The following AS3MT variants were observed in gnomAD, a reference collection of about 807,000 sequenced individuals.
AS3MT encodes arsenite methyltransferase, also known as S-adenosyl-L-methionine:arsenic(III) methyltransferase.
AS3MT carries 47 observed loss-of-function variants against 45.3 expected under a neutral mutation model. The observed-to-expected ratio is 1.04, with a 90% CI of 0.82 to 1.32. The LOEUF (loss-of-function observed/expected upper bound fraction) is 1.32, where lower values mean the gene tolerates loss of function less well. AS3MT is among the 40% of genes most tolerant of loss of function. AS3MT has a pLI of 0.00. For missense variants in AS3MT, 396 were observed against 451.1 expected, an observed-to-expected ratio of 0.88 and a Z score of 1.11; for synonymous variants, 141 against 152.8, an observed-to-expected ratio of 0.92 and a Z score of 0.57.
chr10:102,882,735 C>T (rs1435654367), intron 9 of AS3MT, among the ~76,000 whole-genome samples: 1 of 151,988 alleles, frequency 6.6e-6, no homozygotes. Flanking sequence ...GGATTACAGG[C>T]GTGTGCCACC....
At position 102,901,470 on chromosome 10, in the gene AS3MT, A is replaced by C. The variant is rs1590234762; in HGVS notation, c.*770A>C. On this transcript the variant is annotated 3_prime_UTR_variant, in exon 11 of 11. Transcript: ENST00000369880. ...GGCCTCCCAAAGTGCTGGGATTACA[A>C]GCATGAGCCACTGCGCCCGGCCATA... 6.6e-6 allele frequency: 1 copy of C among 152,118 alleles called. No homozygotes were observed. The highest frequency in any genetic ancestry group is 6.6e-5 in the Admixed American group (1 of 15,252). The allele number at this position is 152,118 out of a possible 1,614,324, so 9.4% of individuals were successfully genotyped here.
At chr10:102,887,489 T>G (rs1400001471) in intron 9 of AS3MT, among the ~76,000 whole-genome samples, 3 of 152,212 alleles carry the variant, frequency 2.0e-5, no homozygotes, top group African/African-American at 2.4e-5. Context: ...TTGCTTTATA[T>G]ACTTTGGAGC....
At chr10:102,888,871 A>G (rs1258862466) in intron 9 of AS3MT, among the ~76,000 whole-genome samples, 2 of 69,688 alleles carry the variant, frequency 2.9e-5, no homozygotes, top group African/African-American at 1.1e-4. Context: ...ATATATATAT[A>G]TATATATATA....
At chr10:102,899,842 T>G (rs569114624) in intron 10 of AS3MT, among the ~76,000 whole-genome samples, 22 of 152,198 alleles carry the variant, frequency 1.4e-4, no homozygotes, top group Non-Finnish European at 2.2e-4. Context: ...ATTTTTTGTA[T>G]TTTTAGTAGA....
intron 10 of AS3MT, among the ~76,000 whole-genome samples, chr10:102,896,630 A>T (rs1845177398): frequency 1.3e-5 from 2 of 151,812 alleles, no homozygotes. Context: ...AGATGGTGAA[A>T]CCCCGTCTCT....
intron 10 of AS3MT, among the ~76,000 whole-genome samples, chr10:102,895,839 G>A (rs1051047786): frequency 1.3e-5 from 2 of 151,658 alleles, no homozygotes; most frequent in African/African-American, 4.8e-5. Flanking sequence ...GCAATGGTGC[G>A]GTCTTGGCTC....
intron 9 of AS3MT, among the ~76,000 whole-genome samples, chr10:102,880,817 A>T (rs186749675): frequency 1.3e-5 from 2 of 152,322 alleles, no homozygotes; most frequent in Admixed American, 1.3e-4. Context: ...TAGAAACACT[A>T]AAAAAAGGTG....
intron 3 of AS3MT, among the ~76,000 whole-genome samples, chr10:102,871,928 G>T (rs1040824978): frequency 6.6e-6 from 1 of 151,190 alleles, no homozygotes; most frequent in Non-Finnish European, 1.5e-5. Flanking sequence ...TGTCCCTTAG[G>T]CTGGAGTGCA....
chr10:102,881,439 G>A lies in AS3MT; in HGVS notation c.885+2448G>A, dbSNP rs929111845. On this transcript the variant is annotated intron_variant, in intron 9 of 10. Transcript: ENST00000369880. This position sits in a 1 kb window ranked among gnomAD's most constrained non-coding sequence, Gnocchi z 4.2. ...TATTATTTAGTAAGTTAGTAAAGGC[G>A]TGCTACTCATTAGATGCTAATCTCA... is the stretch of plus-strand genomic sequence containing the variant. Among the ~76,000 whole-genome samples, 2 of 152,114 alleles carry A rather than the reference G, an allele frequency of 1.3e-5. No homozygotes were observed. Among genetic ancestry groups the A allele is most frequent in the African/African-American group, 2.4e-5 (1 of 41,410 alleles).
intron 10 of AS3MT, among the ~76,000 whole-genome samples, chr10:102,893,955 G>C (rs1011774229): frequency 1.3e-5 from 2 of 151,984 alleles, no homozygotes; most frequent in African/African-American, 2.4e-5. Context: ...TTTCAAATTC[G>C]CTATGTGTCT....
rs1263032332 is a variant in AS3MT, at chr10:102,881,427, GT to G, written c.885+2438del. Among the ~76,000 whole-genome samples, 1 of 152,164 alleles carries G rather than the reference GT, an allele frequency of 6.6e-6. No homozygotes were observed. The highest frequency in any genetic ancestry group is 1.5e-5 in the Non-Finnish European group (1 of 68,036). On this transcript the variant is annotated intron_variant, in intron 9 of 10. Transcript: ENST00000369880. This position sits in a 1 kb window ranked among gnomAD's most constrained non-coding sequence, Gnocchi z 4.2. Reference sequence around the variant, plus strand: ...ATCATTTTATACTATTATTTAGTAAGTTAGTAAAGGCGTGCTACTCATTAGA... The same window carrying G: ...ATCATTTTATACTATTATTTAGTAAGTAGTAAAGGCGTGCTACTCATTAGA...
At chr10:102,900,012 C>G (rs1845245585) in intron 10 of AS3MT, among the ~76,000 whole-genome samples, 1 of 152,062 alleles carries the variant, frequency 6.6e-6, no homozygotes. Context: ...TTTCTCTGGC[C>G]CCACTGGTAC....
intron 5 of AS3MT, 77 bp from the exon 6 acceptor site, chr10:102,874,515 C>T: frequency 4.5e-6 from 5 of 1,102,960 alleles, no homozygotes; most frequent in Non-Finnish European, 6.8e-6. Context: ...GTGGGAACCA[C>T]CTTTAGGGTC....
rs1041587389 is a variant in AS3MT, at chr10:102,894,428, A to C, written c.1020+3750A>C. ...ACAGAGCGAGACTCCATCTCAAAAAATAAAAAAAAATAAAAAAATAAAAAA... is the reference window on the plus strand; with the variant it reads ...ACAGAGCGAGACTCCATCTCAAAAACTAAAAAAAAATAAAAAAATAAAAAA... On this transcript the variant is annotated intron_variant, in intron 10 of 10. Transcript: ENST00000369880. Among the ~76,000 whole-genome samples, 3 of 133,186 alleles carry C rather than the reference A, an allele frequency of 2.3e-5. No homozygotes were observed. In the Admixed American group the frequency reaches 2.3e-4, roughly 10 times the overall value. The allele number at this position is 133,186 out of a possible 152,430, so 87.4% of individuals were successfully genotyped here. A position where few individuals can be genotyped will look rare whatever the true frequency, so the allele number is the denominator to read the frequency against.
rs3740400 is a variant in AS3MT, at chr10:102,869,708, T to C, written c.2-97T>C. 5 of 1,575,260 alleles carry C rather than the reference T, an allele frequency of 3.2e-6. No homozygotes were observed. The African/African-American group carries it at 5.5e-5, about 17-fold the overall frequency. On this transcript the variant is annotated intron_variant, in intron 1 of 10. Coordinates refer to ENST00000369880, the MANE Select transcript of AS3MT (RefSeq NM_020682.4). ...GTGTCTCGAGACCTTTGTCCTCCCC[T>C]CACCCCTCGGCCCGCTGCCTGCCCT...
Position 102,886,418 on chromosome 10 carries a change from G to A in AS3MT, c.886-4126G>A, listed in dbSNP as rs181249021. On this transcript the variant is annotated intron_variant, in intron 9 of 10. Coordinates refer to ENST00000369880, the MANE Select transcript of AS3MT (RefSeq NM_020682.4). ...CAGCTCACTGCAACCTCCACCTCCC[G>A]GGTTCAAGCAATTCTCCTGTCTCAG... 8.6e-5 allele frequency among the ~76,000 whole-genome samples: 13 copies of A among 150,340 alleles called. No individual in the cohort carries two copies. In the East Asian group the frequency reaches 9.9e-4, roughly 11 times the overall value.
chr10:102,877,163 T>G, intron 7 of AS3MT, 128 bp downstream of exon 7: 1 of 815,708 alleles, frequency 1.2e-6, no homozygotes, highest in Admixed American at 2.4e-5. Flanking sequence ...AAGGTTCCAT[T>G]CTTCCTCTGC....
At chr10:102,894,607 A>T (rs778242716) in intron 10 of AS3MT, among the ~76,000 whole-genome samples, 4 of 152,156 alleles carry the variant, frequency 2.6e-5, no homozygotes, top group African/African-American at 7.2e-5. Context: ...TGGAATTCAG[A>T]CACTGCTGAC....
chr10:102,897,709 G>A (rs372309674), intron 10 of AS3MT, among the ~76,000 whole-genome samples: 3 of 151,970 alleles, frequency 2.0e-5, no homozygotes, highest in Non-Finnish European at 2.9e-5. Flanking sequence ...CAGGCAATCC[G>A]CCCGCCTCGG....
Sources: gnomAD v4.1 joint callset for allele counts (sites outside exome capture counted in the v4.1 genomes callset) on GRCh38, gnomAD v4.1.1 for gene constraint, Gnocchi (gnomAD v3.1) non-coding constraint, MANE v1.5 for transcripts, NCBI Gene and HGNC (gene_info 2026-07-23, HGNC 2026-07-21) for gene names.